Variants in DBF4B observed in about 807,000 individuals in gnomAD.
The protein encoded by DBF4B is DBF4B-CDC7 kinase regulatory subunit, also known as protein DBF4 homolog B.
Under a neutral mutation model 53.4 loss-of-function variants are expected in DBF4B, and 49 were observed. The ratio of observed to expected loss-of-function variants is 0.92; its 90% CI spans 0.73 to 1.16. The LOEUF (loss-of-function observed/expected upper bound fraction) is 1.16. Among genes scored for constraint, DBF4B ranks in the 50% most tolerant of loss-of-function variants. The pLI is 0.00. For synonymous variants in DBF4B, 257 were observed against 288.7 expected (o/e 0.89, Z 1.11); for missense variants, 692 against 775.0 (o/e 0.89, Z 1.27).
chr17:44,711,620 T>C (rs1972873309), intron 2 of DBF4B, among the ~76,000 whole-genome samples: 1 of 151,984 alleles, frequency 6.6e-6, no homozygotes, highest in Non-Finnish European at 1.5e-5. Flanking sequence ...AAGACCAGCC[T>C]GGGCAACGTG....
At chr17:44,724,642 G>C (rs1974135827) in intron 3 of DBF4B, among the ~76,000 whole-genome samples, 1 of 151,950 alleles carries the variant, frequency 6.6e-6, no homozygotes, top group Non-Finnish European at 1.5e-5. Context: ...GCCTCCCAAA[G>C]TGCTGGGATT....
intron 7 of DBF4B, among the ~76,000 whole-genome samples, chr17:44,736,549 G>T (rs1007665641): frequency 4.6e-5 from 7 of 152,160 alleles, no homozygotes; most frequent in Non-Finnish European, 7.4e-5. Flanking sequence ...AGGCCTCTGG[G>T]ACTCCAGAGT....
chr17:44,734,194 T>C, intron 7 of DBF4B, 31 bp downstream of exon 7: 1 of 1,613,962 alleles, frequency 6.2e-7, no homozygotes, highest in Non-Finnish European at 8.5e-7. Context: ...GAAGGACAAA[T>C]GGATGGTTTT....
At chr17:44,748,941 C>T (rs1164958200) in intron 13 of DBF4B, 1 of 1,289,980 alleles carries the variant, frequency 7.8e-7, no homozygotes, top group South Asian at 1.2e-5. Context: ...AGCCCACAGA[C>T]AGACCAGCAG....
chr17:44,747,357 T>C (rs2049133133), intron 11 of DBF4B, 34 bp from the exon 12 acceptor site: 3 of 1,611,972 alleles, frequency 1.9e-6, no homozygotes, highest in Non-Finnish European at 2.5e-6. Flanking sequence ...CCAGGCCTCA[T>C]CTAATGCCCT....
chr17:44,709,255 T>C (rs763554908), intron 1 of DBF4B, 49 bp from the exon 2 acceptor site: 7 of 1,612,538 alleles, frequency 4.3e-6, no homozygotes, highest in Middle Eastern at 1.7e-4. Context: ...GGCATGGAAG[T>C]TCCAAGGGTT....
chr17:44,748,477 C>T lies in DBF4B; in HGVS notation c.1189+12C>T. ...CTGCCAGGCATCAGGTATCCCAGAG[C>T]AGGATGGGACAGTGGACAGCACGCA... On this transcript the variant is annotated intron_variant, in intron 13 of 13. Transcript: ENST00000315005. 6.2e-7 allele frequency: 1 copy of T among 1,613,740 alleles called. No homozygotes were observed.
intron 2 of DBF4B, among the ~76,000 whole-genome samples, chr17:44,713,092 T>C (rs1568157562): frequency 7.1e-6 from 1 of 141,400 alleles, no homozygotes; most frequent in South Asian, 2.3e-4. Context: ...CAGGCTGGAG[T>C]GCAGTGGCGT....
At chr17:44,750,454 C>T (rs755035129) in intron 13 of DBF4B, 141 bp from the exon 14 acceptor site, 3 of 1,444,088 alleles carry the variant, frequency 2.1e-6, no homozygotes, top group Non-Finnish European at 2.7e-6. Flanking sequence ...GTGTACAGCC[C>T]ACCTTAGAGG....
intron 5 of DBF4B, chr17:44,731,852 C>G: frequency 3.7e-6 from 1 of 269,866 alleles, no homozygotes; most frequent in Non-Finnish European, 7.2e-6. Flanking sequence ...TGTGTACTTA[C>G]TGTGCTGAGA....
intron 10 of DBF4B, 93 bp downstream of exon 10, chr17:44,741,545 G>A (rs1976029116): frequency 2.5e-6 from 2 of 799,228 alleles, no homozygotes; most frequent in African/African-American, 1.8e-5. Context: ...GAATGGCCAT[G>A]TGTTTGCTCC....
chr17:44,740,623 A>G (rs534750097), intron 9 of DBF4B, among the ~76,000 whole-genome samples: 1 of 152,332 alleles, frequency 6.6e-6, no homozygotes, highest in African/African-American at 2.4e-5. Context: ...TAGAGTCCTC[A>G]AAGATTGTTG....
At chr17:44,746,450 G>T (rs898382559) in intron 10 of DBF4B, among the ~76,000 whole-genome samples, 5 of 152,060 alleles carry the variant, frequency 3.3e-5, no homozygotes, top group Non-Finnish European at 7.4e-5. Flanking sequence ...GTGTAGGTTT[G>T]AGCACAGAGT....
At chr17:44,728,118 G>A (rs777430139) in intron 3 of DBF4B, among the ~76,000 whole-genome samples, 3 of 152,052 alleles carry the variant, frequency 2.0e-5, no homozygotes, top group Non-Finnish European at 4.4e-5. Context: ...TCAGCTGGAC[G>A]GTCACCTGGG....
At chr17:44,713,665 A>G (rs1030294298) in intron 2 of DBF4B, among the ~76,000 whole-genome samples, 59 of 152,118 alleles carry the variant, frequency 3.9e-4, no homozygotes, top group African/African-American at 1.3e-3. Flanking sequence ...ACAAACAAAC[A>G]AAACATTATT....
chr17:44,729,944 G>T lies in DBF4B; in HGVS notation c.265G>T (p.Val89Leu), dbSNP rs369201138. ...GFLSKEVSYI[V>L]SSRREVKAES... ...TCTGAGCAAAGAAGTAAGTTACATC[G>T]TGTCCAGCCGCAGAGAAGTAAAGGC... The change falls in exon 4 of 14, where the codon GTG (valine) becomes TTG (leucine). Residue 89 changes from valine to leucine, a missense_variant. Physicochemically the swap from Val to Leu is conservative, Grantham distance 32 (BLOSUM62 1). Around this residue, in one of 3 missense-constraint regions of DBF4B, gnomAD observed 29 missense variants for 57.8 expected, o/e 0.50. Coordinates refer to ENST00000315005, the MANE Select transcript of DBF4B (RefSeq NM_145663.3). The T allele has an allele frequency of 1.2e-6, 2 of 1,614,048 alleles. No homozygotes were observed. The highest frequency in any genetic ancestry group is 1.7e-6 in the Non-Finnish European group (2 of 1,180,012).
intron 10 of DBF4B, among the ~76,000 whole-genome samples, chr17:44,746,547 G>A (rs567659129): frequency 6.6e-6 from 1 of 152,084 alleles, no homozygotes; most frequent in Non-Finnish European, 1.5e-5. Flanking sequence ...TGGCTGGCGC[G>A]GTGGCTCACA....
Position 44,734,961 on chromosome 17 carries a change from G to A in DBF4B, c.630+798G>A, listed in dbSNP as rs539437523. Among the ~76,000 whole-genome samples, 39 of 152,238 alleles carry A rather than the reference G, an allele frequency of 2.6e-4. No individual in the cohort carries two copies. In the Middle Eastern group the frequency reaches 0.01, roughly 40 times the overall value. ...TGTGCTAAAAATACAAAAATTAGCCGGGCGTGGTGGCACATGCCTGTAATC... is the reference window on the plus strand; with the variant it reads ...TGTGCTAAAAATACAAAAATTAGCCAGGCGTGGTGGCACATGCCTGTAATC... On this transcript the variant is annotated intron_variant, in intron 7 of 13. Coordinates refer to ENST00000315005, the MANE Select transcript of DBF4B (RefSeq NM_145663.3).
chr17:44,732,031 TG>T, intron 5 of DBF4B, 146 bp from the exon 6 acceptor site: 1 of 678,978 alleles, frequency 1.5e-6, no homozygotes, highest in African/African-American at 1.8e-5. Flanking sequence ...ATGGACTCTC[TG>T]GGCACTGTAC....
Sources: gnomAD v4.1 joint callset for allele counts (sites outside exome capture counted in the v4.1 genomes callset) on GRCh38, gnomAD v4.1.1 for gene constraint, gnomAD v4.1.1 regional missense constraint, MANE v1.5 for transcripts, NCBI Gene and HGNC (gene_info 2026-07-23, HGNC 2026-07-21) for gene names.